LYPD6: variants seen among roughly 807,000 people sequenced by gnomAD.
LYPD6 encodes ly6/PLAUR domain-containing protein 6.
In LYPD6, 15 loss-of-function variants were observed where a neutral mutation model predicts 22.7. The observed-to-expected ratio is 0.66, with a 90% CI of 0.44 to 1.02. The LOEUF (loss-of-function observed/expected upper bound fraction) is 1.02. LYPD6 is among the 50% of genes least tolerant of loss of function. LYPD6 has a pLI of 0.00. For synonymous variants in LYPD6, 72 were observed against 77.5 expected (o/e 0.93, Z 0.37); for missense variants, 189 against 208.4 (o/e 0.91, Z 0.57).
intron 1 of LYPD6, among the ~76,000 whole-genome samples, chr2:149,396,187 T>TCC (rs1328815832): frequency 6.6e-6 from 1 of 152,196 alleles, no homozygotes; most frequent in Non-Finnish European, 1.5e-5. Context: ...TTCTTTCCTT[T>TCC]AAGTTATATA....
intron 1 of LYPD6, among the ~76,000 whole-genome samples, chr2:149,431,762 G>A (rs1301032730): frequency 6.6e-6 from 1 of 152,114 alleles, no homozygotes; most frequent in African/African-American, 2.4e-5. Context: ...AAAAAATAAT[G>A]TGTGGGCTCT....
rs143907921 is a variant in LYPD6 at position 149,436,965 on chromosome 2, T to A, written c.-71-673T>A. On this transcript the variant is annotated intron_variant, in intron 1 of 4. Coordinates refer to ENST00000334166, the MANE Select transcript of LYPD6 (RefSeq NM_194317.5). ...AACTGTGCAGACTCCAAAGCCACATTGCCTGGGTTAGAGTCAGATCTGCTA... is the reference window on the plus strand; with the variant it reads ...AACTGTGCAGACTCCAAAGCCACATAGCCTGGGTTAGAGTCAGATCTGCTA... Among the ~76,000 whole-genome samples the A allele has an allele frequency of 7.2e-5, 11 of 152,348 alleles. No individual in the cohort carries two copies. In the East Asian group the frequency reaches 2.1e-3, roughly 29 times the overall value.
intron 1 of LYPD6, among the ~76,000 whole-genome samples, chr2:149,375,888 A>G (rs1194425278): frequency 1.3e-5 from 2 of 152,228 alleles, no homozygotes; most frequent in Admixed American, 6.5e-5. Flanking sequence ...AATGCCATCA[A>G]TATGCAAAGC....
chr2:149,372,908 A>G (rs1282255481), intron 1 of LYPD6, among the ~76,000 whole-genome samples: 2 of 152,228 alleles, frequency 1.3e-5, no homozygotes, highest in Non-Finnish European at 2.9e-5. Context: ...GGTTGATCCC[A>G]TCATTCCCTA....
intron 1 of LYPD6, among the ~76,000 whole-genome samples, chr2:149,426,282 T>G (rs1032443319): frequency 6.6e-6 from 1 of 152,194 alleles, no homozygotes; most frequent in Non-Finnish European, 1.5e-5. Context: ...GAAACAACTC[T>G]CACGGTTTTT....
At chr2:149,387,320 C>G (rs1682210749) in intron 1 of LYPD6, among the ~76,000 whole-genome samples, 1 of 152,186 alleles carries the variant, frequency 6.6e-6, no homozygotes, top group African/African-American at 2.4e-5. Context: ...CTTCTTGATA[C>G]TTTTCTCTTA....
intron 3 of LYPD6, among the ~76,000 whole-genome samples, chr2:149,462,707 A>C (rs191778201): frequency 2.4e-4 from 36 of 152,182 alleles, no homozygotes; most frequent in Non-Finnish European, 2.9e-4. Context: ...ACTGACAGAG[A>C]AATAGACATA....
chr2:149,484,848 G>A, the LYPD6 span, among the ~76,000 whole-genome samples: 2 of 152,110 alleles, frequency 1.3e-5, no homozygotes, highest in Non-Finnish European at 2.9e-5. Flanking sequence ...TGCGTTTTTG[G>A]TGTTATTTTT....
intron 1 of LYPD6, among the ~76,000 whole-genome samples, chr2:149,392,793 A>C (rs1163335351): frequency 6.6e-6 from 1 of 152,150 alleles, no homozygotes; most frequent in Non-Finnish European, 1.5e-5. Context: ...TGGGAGGCTG[A>C]GGCGGCCGGA....
chr2:149,339,013 C>T lies in LYPD6; in HGVS notation c.-72+8291C>T, dbSNP rs76179459. Among the ~76,000 whole-genome samples, 559 of 152,182 alleles carry T rather than the reference C, an allele frequency of 3.7e-3. 5 individuals are homozygous for T. Among genetic ancestry groups the T allele is most frequent in the African/African-American group, 0.013 (541 of 41,526 alleles). ...AGCAATAACATGGTCAAGCCAGTGC[C>T]CAGGACTTTGAGTGAGGACTTAGGG... On this transcript the variant is annotated intron_variant, in intron 1 of 4. Transcript: ENST00000334166.
intron 1 of LYPD6, among the ~76,000 whole-genome samples, chr2:149,393,329 A>T (rs1682356261): frequency 1.3e-5 from 2 of 152,190 alleles, no homozygotes; most frequent in South Asian, 4.1e-4. Context: ...TTGTGTTCCC[A>T]TCATTTTCGG....
At chr2:149,376,085 G>C (rs1681914890) in intron 1 of LYPD6, among the ~76,000 whole-genome samples, 1 of 152,204 alleles carries the variant, frequency 6.6e-6, no homozygotes, top group Non-Finnish European at 1.5e-5. Context: ...CTGCATGCTG[G>C]CATGGAAACC....
intron 3 of LYPD6, chr2:149,464,566 A>G (rs376402688): frequency 4.5e-5 from 7 of 154,908 alleles, no homozygotes; most frequent in African/African-American, 1.7e-4. Flanking sequence ...AGTTACTCCA[A>G]TGCACTTGAC....
At chr2:149,360,943 C>T (rs1041220531) in intron 1 of LYPD6, among the ~76,000 whole-genome samples, 1 of 152,182 alleles carries the variant, frequency 6.6e-6, no homozygotes, top group African/African-American at 2.4e-5. Flanking sequence ...TCAGTTTGAG[C>T]ACACATCAGT....
intron 1 of LYPD6, among the ~76,000 whole-genome samples, chr2:149,420,199 G>C (rs1021543325): frequency 6.6e-6 from 1 of 152,218 alleles, no homozygotes; most frequent in African/African-American, 2.4e-5. Flanking sequence ...GTCCCAGTGA[G>C]CTGAAGGCAT....
intron 1 of LYPD6, among the ~76,000 whole-genome samples, chr2:149,434,355 T>C (rs561363187): frequency 2.6e-4 from 39 of 152,352 alleles, no homozygotes; most frequent in African/African-American, 9.1e-4. Flanking sequence ...CTATACTTAA[T>C]CCTCATCGAT....
intron 2 of LYPD6, among the ~76,000 whole-genome samples, chr2:149,446,708 G>T (rs1003868623): frequency 6.6e-6 from 1 of 152,100 alleles, no homozygotes; most frequent in Non-Finnish European, 1.5e-5. Flanking sequence ...GTGAGAGAGA[G>T]CACGCAGATG....
At chr2:149,355,291 G>A (rs1681430417) in intron 1 of LYPD6, among the ~76,000 whole-genome samples, 1 of 152,138 alleles carries the variant, frequency 6.6e-6, no homozygotes, top group Non-Finnish European at 1.5e-5. Context: ...TTGCTAAAAT[G>A]CATAGTTTAC....
intron 1 of LYPD6, among the ~76,000 whole-genome samples, chr2:149,404,344 A>T (rs990529919): frequency 6.6e-6 from 1 of 152,104 alleles, no homozygotes; most frequent in African/African-American, 2.4e-5. Flanking sequence ...TTTTCACGAT[A>T]TTGATTCTTC....
Sources: allele counts gnomAD v4.1 joint callset (sites outside exome capture counted in the v4.1 genomes callset), GRCh38; gene constraint gnomAD v4.1.1; transcripts MANE v1.5; gene names NCBI Gene and HGNC (gene_info 2026-07-23, HGNC 2026-07-21).